The following EHMT1 variants were observed in gnomAD, a reference collection of about 807,000 sequenced individuals.
The protein encoded by EHMT1 is histone-lysine N-methyltransferase EHMT1.
In EHMT1, 15 loss-of-function variants were observed where a neutral mutation model predicts 147.2. The ratio of observed to expected loss-of-function variants is 0.10; its 90% CI spans 0.07 to 0.16. The LOEUF is 0.16. EHMT1 is among the 10% of genes least tolerant of loss of function. EHMT1 has a pLI of 1.00. For synonymous variants in EHMT1, 795 were observed against 709.6 expected (o/e 1.12, Z -1.91); for missense variants, 1,587 against 1,772.4 (o/e 0.90, Z 1.88).
intron 1 of EHMT1, among the ~76,000 whole-genome samples, chr9:137,703,206 C>T (rs1257504135): frequency 6.6e-6 from 1 of 152,218 alleles, no homozygotes; most frequent in African/African-American, 2.4e-5. Flanking sequence ...CTTCCTAGGC[C>T]TCCAGGCCTG....
intron 15 of EHMT1, among the ~76,000 whole-genome samples, chr9:137,789,395 CTG>C (rs1239671473): frequency 6.6e-6 from 1 of 152,248 alleles, no homozygotes; most frequent in Non-Finnish European, 1.5e-5. Flanking sequence ...GGAGCAGCCT[CTG>C]TGTGCTGAGC....
chr9:137,671,450 C>T (rs942602659), intron 1 of EHMT1, among the ~76,000 whole-genome samples: 1 of 151,660 alleles, frequency 6.6e-6, no homozygotes, highest in African/African-American at 2.4e-5. Context: ...GGGAAGATGA[C>T]CCTGAAGTTA....
intron 4 of EHMT1, among the ~76,000 whole-genome samples, chr9:137,729,684 C>T (rs758188251): frequency 6.6e-6 from 1 of 152,146 alleles, no homozygotes; most frequent in African/African-American, 2.4e-5. Context: ...ATTCATTTCA[C>T]CACATGGCAC....
At chr9:137,749,005 A>T (rs1948767780) in intron 6 of EHMT1, among the ~76,000 whole-genome samples, 1 of 151,854 alleles carries the variant, frequency 6.6e-6, no homozygotes, top group Admixed American at 6.6e-5. Flanking sequence ...GGAGAGCTGG[A>T]CCCTCTCCCC....
At chr9:137,660,313 G>A (rs1215285512) in intron 1 of EHMT1, among the ~76,000 whole-genome samples, 1 of 152,010 alleles carries the variant, frequency 6.6e-6, no homozygotes, top group African/African-American at 2.4e-5. Flanking sequence ...TCTAGCCTGG[G>A]TTACAGAGCC....
chr9:137,701,625 A>ATTT (rs139537570), intron 1 of EHMT1, among the ~76,000 whole-genome samples: 2 of 115,660 alleles, frequency 1.7e-5, no homozygotes, highest in Admixed American at 8.9e-5. Flanking sequence ...TGCCTGGCTA[A>ATTT]TTTTTTTTTT....
rs1216096217 is a variant in EHMT1, at chr9:137,815,489, C to T, written c.3259-458C>T. On this transcript the variant is annotated intron_variant, in intron 22 of 26. Transcript: ENST00000460843. The stretch of plus-strand genomic sequence containing the variant: ...AGCATCTGCACCCAGTGCTGCTGTA[C>T]CTGGCCTGGCTTCAGGGGGGTAGAA... 2.5e-5 allele frequency: 7 copies of T among 278,168 alleles called. No homozygotes were observed. The East Asian group carries it at 6.1e-4, about 24-fold the overall frequency. 17.2% of individuals were successfully genotyped at this position (278,168 alleles called of 1,614,324 possible).
intron 9 of EHMT1, among the ~76,000 whole-genome samples, chr9:137,761,423 CT>C (rs1384547199): frequency 1.3e-5 from 2 of 152,212 alleles, no homozygotes; most frequent in Non-Finnish European, 2.9e-5. Context: ...TTTTAATTTA[CT>C]TTAACACTAT....
At chr9:137,645,136 G>A (rs2133868771) in intron 1 of EHMT1, among the ~76,000 whole-genome samples, 1 of 152,362 alleles carries the variant, frequency 6.6e-6, no homozygotes, top group Non-Finnish European at 1.5e-5. Flanking sequence ...GCCTCCCGAA[G>A]TGCTGGGATT....
chr9:137,669,244 C>T (rs1021223888), intron 1 of EHMT1, among the ~76,000 whole-genome samples: 1 of 151,318 alleles, frequency 6.6e-6, no homozygotes, highest in Non-Finnish European at 1.5e-5. Context: ...CACCCTGCAC[C>T]CTTCTCGCCC....
At chr9:137,834,259 C>T in intron 25 of EHMT1, 90 bp from the exon 26 acceptor site, 1 of 1,544,088 alleles carries the variant, frequency 6.5e-7, no homozygotes, top group Non-Finnish European at 8.8e-7. Flanking sequence ...CAACTGCAGG[C>T]TCCGGGACTG....
At chr9:137,651,439 T>A (rs1385520378) in intron 1 of EHMT1, among the ~76,000 whole-genome samples, 1 of 152,170 alleles carries the variant, frequency 6.6e-6, no homozygotes, top group South Asian at 2.1e-4. Flanking sequence ...GGCCACATAA[T>A]GATGTCTCTG....
At chr9:137,758,388 T>G (rs111497493) in intron 9 of EHMT1, among the ~76,000 whole-genome samples, 3 of 152,218 alleles carry the variant, frequency 2.0e-5, no homozygotes, top group African/African-American at 7.2e-5. Context: ...GGCTGAAATA[T>G]GTCCCTGGTC....
At chr9:137,668,383 A>G (rs1939938753) in intron 1 of EHMT1, among the ~76,000 whole-genome samples, 1 of 148,660 alleles carries the variant, frequency 6.7e-6, no homozygotes, top group African/African-American at 2.5e-5. Context: ...CCATCCATCC[A>G]TCTACTGTCT....
intron 17 of EHMT1, 44 bp from the exon 18 acceptor site, chr9:137,800,836 G>A (rs1413548816): frequency 6.3e-7 from 1 of 1,579,810 alleles, no homozygotes; most frequent in African/African-American, 1.3e-5. Context: ...TCTGGTGGTT[G>A]CCGGTCTCTG....
intron 10 of EHMT1, among the ~76,000 whole-genome samples, chr9:137,769,438 C>G (rs374389370): frequency 6.6e-6 from 1 of 152,240 alleles, no homozygotes; most frequent in East Asian, 1.9e-4. Context: ...AATGAATTCT[C>G]TCAGCTTTTG....
rs1307196322 is a variant in EHMT1, at chr9:137,650,702, T to A, written c.21+31653T>A. ...TTTTTTTTTTGAGACAGTTGCACTC[T>A]GTTGCCTATGTTGGAGTGCAGTGGG... On this transcript the variant is annotated intron_variant, in intron 1 of 26. Transcript: ENST00000460843. Among the ~76,000 whole-genome samples, 3 of 144,840 alleles carry A rather than the reference T, an allele frequency of 2.1e-5. No individual in the cohort carries two copies. In the East Asian group the frequency reaches 6.6e-4, roughly 32 times the overall value.
At chr9:137,670,162 A>G (rs1329524691) in intron 1 of EHMT1, among the ~76,000 whole-genome samples, 2 of 152,132 alleles carry the variant, frequency 1.3e-5, no homozygotes, top group African/African-American at 4.8e-5. Context: ...GCCTGGGCTG[A>G]AAAAAGCTTT....
rs1312002755 is a variant in EHMT1 at position 137,782,327 on chromosome 9, A to G, written c.2312A>G (p.Gln771Arg). Residue 771 changes from glutamine (Q) to arginine (R), a missense_variant, in exon 15 of 27, where the codon CAG becomes CGG. Gln to Arg is a conservative substitution (Grantham distance 43). Around this residue, in one of 7 missense-constraint regions of EHMT1, gnomAD observed 201 missense variants for 350.1 expected, o/e 0.57. Transcript: ENST00000460843. The surrounding 1 kb of genome is among the most constrained non-coding windows in gnomAD (Gnocchi z 5.7). ...GIDPNFKMEH[Q>R]NKRSPLHAAA... ...GACCCCAACTTCAAAATGGAGCACC[A>G]GAATAAGCGCTCTCCACTGCACGCC... The G allele has an allele frequency of 6.2e-7, 1 of 1,613,720 alleles. No individual in the cohort carries two copies. The highest frequency in any genetic ancestry group is 2.2e-5 in the East Asian group (1 of 44,880).
Sources: allele counts gnomAD v4.1 joint callset (sites outside exome capture counted in the v4.1 genomes callset), GRCh38; gene constraint gnomAD v4.1.1; regional missense constraint gnomAD v4.1.1; non-coding constraint Gnocchi (gnomAD v3.1); transcripts MANE v1.5; gene names NCBI Gene and HGNC (gene_info 2026-07-23, HGNC 2026-07-21).